Variants in ZMIZ1 observed in about 807,000 individuals in gnomAD.
ZMIZ1 encodes the protein zinc finger MIZ-type containing 1, also known as zinc finger MIZ domain-containing protein 1.
Under a neutral mutation model 113.9 loss-of-function variants are expected in ZMIZ1, and 17 were observed. The observed-to-expected ratio is 0.15, with a 90% CI of 0.10 to 0.22. ZMIZ1 has a LOEUF of 0.22. Among genes scored for constraint, ZMIZ1 ranks in the 10% least tolerant of loss-of-function variants. The probability of loss-of-function intolerance (pLI) is 1.00; values close to 1 mark genes in which losing one functional copy is unlikely to be tolerated. For synonymous variants in ZMIZ1, 607 were observed against 603.1 expected (o/e 1.01, Z -0.09); for missense variants, 1,059 against 1,477.8 (o/e 0.72, Z 4.65).
chr10:79,164,863 A>T (rs1846257105), intron 4 of ZMIZ1, among the ~76,000 whole-genome samples: 1 of 151,990 alleles, frequency 6.6e-6, no homozygotes, highest in African/African-American at 2.4e-5. Flanking sequence ...GTTACTGGGG[A>T]GGCTGCACTG....
At chr10:79,134,376 C>T (rs894400395) in intron 2 of ZMIZ1, among the ~76,000 whole-genome samples, 5 of 152,222 alleles carry the variant, frequency 3.3e-5, no homozygotes, top group African/African-American at 1.2e-4. Flanking sequence ...GACTCCAGTG[C>T]CCATCCCACT....
At position 79,272,666 on chromosome 10, in the gene ZMIZ1, T is replaced by G. The variant is rs115013549; in HGVS notation, c.281-4515T>G. Among the ~76,000 whole-genome samples, 1,128 of 152,188 alleles carry G rather than the reference T, an allele frequency of 7.4e-3. 11 individuals carry two copies. Among genetic ancestry groups the G allele is most frequent in the African/African-American group, 0.026 (1,071 of 41,516 alleles). ...AGTTGTTGAATGAACGTTGGGTGAG[T>G]GATAGAACACCTTGGTACTGTAGGT... On this transcript the variant is annotated intron_variant, in intron 7 of 24. Transcript: ENST00000334512.
chr10:79,275,730 G>A (rs1343797982), intron 7 of ZMIZ1, among the ~76,000 whole-genome samples: 1 of 152,220 alleles, frequency 6.6e-6, no homozygotes, highest in Admixed American at 6.5e-5. Context: ...TCCAGCCTCA[G>A]GCTCTACCAC....
intron 1 of ZMIZ1, among the ~76,000 whole-genome samples, chr10:79,070,649 C>CA: frequency 6.6e-6 from 1 of 152,204 alleles, no homozygotes; most frequent in South Asian, 2.1e-4. Context: ...CTCGTCCCTC[C>CA]AGCAGGTCAC....
At chr10:79,180,879 G>A (rs1381882598) in intron 4 of ZMIZ1, among the ~76,000 whole-genome samples, 3 of 152,218 alleles carry the variant, frequency 2.0e-5, no homozygotes, top group East Asian at 1.9e-4. Context: ...ACCTGCACAC[G>A]TTTCCAGCTG....
In ZMIZ1 at chr10:79,249,610, A is replaced by G. The variant is rs554141857; in HGVS notation, c.281-27571A>G. Among the ~76,000 whole-genome samples, 424 of 152,342 alleles carry G rather than the reference A, an allele frequency of 2.8e-3. 2 individuals carry two copies. Among genetic ancestry groups the G allele is most frequent in the Non-Finnish European group, 4.3e-3 (290 of 68,034 alleles). On this transcript the variant is annotated intron_variant, in intron 7 of 24. Coordinates refer to ENST00000334512, the MANE Select transcript of ZMIZ1 (RefSeq NM_020338.4). ...AGCAGCCACACATGTATTTAAATGT[A>G]CATTAGTAAAATTAAATGAAGTTTT...
intron 4 of ZMIZ1, among the ~76,000 whole-genome samples, chr10:79,192,563 T>G (rs1366927652): frequency 2.0e-5 from 3 of 152,186 alleles, no homozygotes; most frequent in Non-Finnish European, 4.4e-5. Context: ...CCGTGTCAAG[T>G]CTTGGCACAG....
chr10:79,166,446 G>T (rs1342499999), intron 4 of ZMIZ1, among the ~76,000 whole-genome samples: 1 of 152,246 alleles, frequency 6.6e-6, no homozygotes, highest in Non-Finnish European at 1.5e-5. Flanking sequence ...GCCAGGTGGT[G>T]GGGGAAGGTG....
intron 7 of ZMIZ1, among the ~76,000 whole-genome samples, chr10:79,270,805 G>A (rs923146893): frequency 1.4e-4 from 22 of 152,330 alleles, no homozygotes; most frequent in African/African-American, 5.3e-4. Flanking sequence ...GGGCCCTAGA[G>A]GGGGTCATGG....
intron 8 of ZMIZ1, among the ~76,000 whole-genome samples, chr10:79,284,427 G>C (rs78080338): frequency 0.033 from 5,008 of 152,282 alleles, 127 homozygotes; most frequent in Middle Eastern, 0.061. Flanking sequence ...TCAGAGGCTT[G>C]AGAAGCACAT....
chr10:79,259,721 T>C (rs2131897093), intron 7 of ZMIZ1, among the ~76,000 whole-genome samples: 1 of 152,040 alleles, frequency 6.6e-6, no homozygotes, highest in South Asian at 2.1e-4. Context: ...GTTCAAGTGA[T>C]TCTCCTGCCT....
At chr10:79,102,649 AG>A (rs900827470) in intron 1 of ZMIZ1, among the ~76,000 whole-genome samples, 3 of 152,190 alleles carry the variant, frequency 2.0e-5, no homozygotes, top group Non-Finnish European at 2.9e-5. Context: ...GTCTGGCTGG[AG>A]GCGAGTCCCA....
intron 2 of ZMIZ1, among the ~76,000 whole-genome samples, chr10:79,119,613 C>T (rs1844198295): frequency 6.6e-6 from 1 of 152,230 alleles, no homozygotes; most frequent in Non-Finnish European, 1.5e-5. Flanking sequence ...TCTGGCCTTG[C>T]TCCTAGCTTC....
intron 1 of ZMIZ1, among the ~76,000 whole-genome samples, chr10:79,096,205 A>G (rs1157870153): frequency 1.3e-5 from 2 of 152,158 alleles, no homozygotes; most frequent in East Asian, 3.9e-4. Flanking sequence ...ATGTTTGCAC[A>G]AGGAGTTAGA....
chr10:79,111,816 T>C (rs1322276795), intron 1 of ZMIZ1, among the ~76,000 whole-genome samples: 1 of 152,192 alleles, frequency 6.6e-6, no homozygotes, highest in East Asian at 1.9e-4. Context: ...GCAGGTGTGA[T>C]GTAGGTTAGC....
At chr10:79,165,109 G>A (rs1007146300) in intron 4 of ZMIZ1, among the ~76,000 whole-genome samples, 3 of 152,148 alleles carry the variant, frequency 2.0e-5, no homozygotes, top group Admixed American at 6.5e-5. Flanking sequence ...CCTTGTCTGG[G>A]AGGTGGGGGC....
intron 7 of ZMIZ1, among the ~76,000 whole-genome samples, chr10:79,255,899 C>A (rs1373219972): frequency 6.6e-6 from 1 of 152,204 alleles, no homozygotes; most frequent in Non-Finnish European, 1.5e-5. Flanking sequence ...ATCACAGAGC[C>A]GCATTGTAAA....
intron 1 of ZMIZ1, among the ~76,000 whole-genome samples, chr10:79,083,189 A>T (rs764439677): frequency 1.3e-4 from 20 of 152,236 alleles, no homozygotes; most frequent in Non-Finnish European, 2.4e-4. Flanking sequence ...TGATATAGGG[A>T]CATGAGTGGG....
intron 24 of ZMIZ1, among the ~76,000 whole-genome samples, chr10:79,311,985 GACTC>G (rs1392202977): frequency 6.6e-6 from 1 of 152,198 alleles, no homozygotes; most frequent in South Asian, 2.1e-4. Flanking sequence ...TGCTAGCTAG[GACTC>G]ACTCACTGTG....
Sources: allele counts gnomAD v4.1 joint callset (sites outside exome capture counted in the v4.1 genomes callset), GRCh38; gene constraint gnomAD v4.1.1; transcripts MANE v1.5; gene names NCBI Gene and HGNC (gene_info 2026-07-23, HGNC 2026-07-21).